CTXN1: variants seen among roughly 807,000 people sequenced by gnomAD.
CTXN1 encodes cortexin-1.
A neutral mutation model predicts 5.5 loss-of-function variants in CTXN1; 4 were observed. That is an observed-to-expected ratio of 0.73 (90% confidence interval 0.36 to 1.68). The LOEUF is 1.68. Ranked by LOEUF, CTXN1 falls within the 40% of genes most tolerant of loss-of-function variation. CTXN1 has a pLI of 0.05. For missense variants in CTXN1, 111 were observed against 123.0 expected (o/e 0.90, Z 0.46); for synonymous variants, 67 against 62.8 (o/e 1.07, Z -0.32).
In CTXN1 at chr19:7,925,060, G is replaced by GA. The variant is rs1983735834; in HGVS notation, c.*229dup. ...CCGGGCGGGTGAGATGCGCAGAGAG[G>GA]AAGGGACAGGGCGGATAAAGGCACG... On this transcript the variant is annotated 3_prime_UTR_variant, in exon 2 of 2. Transcript: ENST00000318978. The surrounding 1 kb of genome is among the most constrained non-coding windows in gnomAD (Gnocchi z 5.0). 2.8e-6 allele frequency: 1 copy of GA among 363,402 alleles called. No homozygotes were observed. Among genetic ancestry groups the GA allele is most frequent in the Non-Finnish European group, 4.9e-6 (1 of 204,228 alleles). 22.5% of individuals were successfully genotyped at this position (363,402 alleles called of 1,614,324 possible). A position where few individuals can be genotyped will look rare whatever the true frequency, so the allele number is the denominator to read the frequency against.
In CTXN1 at chr19:7,925,445, A is replaced by G; in HGVS notation, c.94T>C (p.Phe32Leu). 6.3e-7 allele frequency: 1 copy of G among 1,582,206 alleles called. No homozygotes were observed. Among genetic ancestry groups the G allele is most frequent in the Non-Finnish European group, 8.5e-7 (1 of 1,170,522 alleles). The change falls in exon 2 of 2, where the codon TTC becomes CTC. Residue 32 changes from phenylalanine (F) to leucine (L), a missense_variant. Phe to Leu is a conservative substitution (Grantham distance 22). Transcript: ENST00000318978. The surrounding 1 kb of genome is among the most constrained non-coding windows in gnomAD (Gnocchi z 5.0). ...AGLDAEQRTVFAFVLCLLVVL... is the reference protein window; with the variant it reads ...AGLDAEQRTVLAFVLCLLVVL... ...ACGAGCAGGCAGAGCACGAAGGCGA[A>G]CACCGTGCGCTGCTCCGCGTCCAGG...
chr19:7,925,830 A>C lies in CTXN1; in HGVS notation c.-21+137T>G. The C allele has an allele frequency of 4.0e-6, 1 of 247,474 alleles. No individual in the cohort carries two copies. Among genetic ancestry groups the C allele is most frequent in the Non-Finnish European group, 7.7e-6 (1 of 130,566 alleles). 15.3% of individuals were successfully genotyped at this position (247,474 alleles called of 1,614,324 possible). On this transcript the variant is annotated intron_variant, in intron 1 of 1. Transcript: ENST00000318978. This position sits in a 1 kb window ranked among gnomAD's most constrained non-coding sequence, Gnocchi z 5.0. ...GAGCCGCGCCCGGCCTGGGCCGCAC[A>C]CAACAGGTGCGAAAGCGCGGCCGCG...
Position 7,925,273 on chromosome 19 carries a change from AG to A in CTXN1, c.*16del, listed in dbSNP as rs1446778677. ...CTGAGACCCCGGCGCAGGGCCGGCT[AG>A]GGGGCGCCGCGCCCCTCACACCAAC... is the stretch of plus-strand genomic sequence containing the variant. On this transcript the variant is annotated 3_prime_UTR_variant, in exon 2 of 2. Transcript: ENST00000318978. The surrounding 1 kb of genome is among the most constrained non-coding windows in gnomAD (Gnocchi z 5.0). 3 of 1,300,812 alleles carry A rather than the reference AG, an allele frequency of 2.3e-6. No homozygotes were observed. Among genetic ancestry groups the A allele is most frequent in the African/African-American group, 1.6e-5 (1 of 63,392 alleles). The allele number at this position is 1,300,812 out of a possible 1,614,324, so 80.6% of individuals were successfully genotyped here. A position where few individuals can be genotyped will look rare whatever the true frequency, so the allele number is the denominator to read the frequency against.
rs769483227 is a variant in CTXN1 at position 7,925,243 on chromosome 19, G to A, written c.*47C>T. ...CCCCGCGGCGCCCCCCGCCGGGCCG[G>A]CCCTCTGAGACCCCGGCGCAGGGCC... On this transcript the variant is annotated 3_prime_UTR_variant, in exon 2 of 2. Coordinates refer to ENST00000318978, the MANE Select transcript of CTXN1 (RefSeq NM_206833.4). The surrounding 1 kb of genome is among the most constrained non-coding windows in gnomAD (Gnocchi z 5.0). 1.6e-6 allele frequency: 2 copies of A among 1,257,960 alleles called. No homozygotes were observed. Among genetic ancestry groups the A allele is most frequent in the South Asian group, 3.0e-5 (1 of 33,776 alleles). The allele number at this position is 1,257,960 out of a possible 1,614,324, so 77.9% of individuals were successfully genotyped here.
chr19:7,925,598 G>T lies in CTXN1; in HGVS notation c.-20-40C>A. On this transcript the variant is annotated intron_variant, in intron 1 of 1. Transcript: ENST00000318978. This position sits in a 1 kb window ranked among gnomAD's most constrained non-coding sequence, Gnocchi z 5.0. ...ACCCGCCCCGGGCGCCGGGGATGAGGCTGCGCCCTCCCTCCCGCGCCTCCT... is the reference window on the plus strand; with the variant it reads ...ACCCGCCCCGGGCGCCGGGGATGAGTCTGCGCCCTCCCTCCCGCGCCTCCT... 7.7e-7 allele frequency: 1 copy of T among 1,298,362 alleles called. No homozygotes were observed. Among genetic ancestry groups the T allele is most frequent in the Non-Finnish European group, 9.7e-7 (1 of 1,028,862 alleles). 80.4% of individuals were successfully genotyped at this position (1,298,362 alleles called of 1,614,324 possible). A position where few individuals can be genotyped will look rare whatever the true frequency, so the allele number is the denominator to read the frequency against.
In CTXN1 at chr19:7,926,036, G is replaced by A. The variant is rs1353548786; in HGVS notation, c.-90C>T. On this transcript the variant is annotated 5_prime_UTR_variant, in exon 1 of 2. Transcript: ENST00000318978. ...TCTCTCAGGGACCCGCGCCGGCTGC[G>A]CGTTCGGCCTCTCCCCGGCGGCGGC... 6.7e-6 allele frequency: 1 copy of A among 149,872 alleles called. No homozygotes were observed. The highest frequency in any genetic ancestry group is 1.5e-5 in the Non-Finnish European group (1 of 66,984). 9.3% of individuals were successfully genotyped at this position (149,872 alleles called of 1,614,324 possible). A position where few individuals can be genotyped will look rare whatever the true frequency, so the allele number is the denominator to read the frequency against.
Position 7,925,239 on chromosome 19 carries a change from G to A in CTXN1, c.*51C>T, listed in dbSNP as rs779740926. The A allele has an allele frequency of 4.0e-6, 5 of 1,255,490 alleles. No homozygotes were observed. Among genetic ancestry groups the A allele is most frequent in the Middle Eastern group, 2.9e-4 (1 of 3,406 alleles). The allele number at this position is 1,255,490 out of a possible 1,614,324, so 77.8% of individuals were successfully genotyped here. On this transcript the variant is annotated 3_prime_UTR_variant, in exon 2 of 2. Coordinates refer to ENST00000318978, the MANE Select transcript of CTXN1 (RefSeq NM_206833.4). This position sits in a 1 kb window ranked among gnomAD's most constrained non-coding sequence, Gnocchi z 5.0. The stretch of plus-strand genomic sequence containing the variant: ...CTGGCCCCGCGGCGCCCCCCGCCGG[G>A]CCGGCCCTCTGAGACCCCGGCGCAG...
chr19:7,925,640 TGCCGCC>T lies in CTXN1; in HGVS notation c.-20-88_-20-83del. On this transcript the variant is annotated intron_variant, in intron 1 of 1. Coordinates refer to ENST00000318978, the MANE Select transcript of CTXN1 (RefSeq NM_206833.4). The surrounding 1 kb of genome is among the most constrained non-coding windows in gnomAD (Gnocchi z 5.0). ...GCGCCTCCTCCGCTTCGCCCCCTCC[TGCCGCC>T]GCCGCCGCCGCCTCCCTTAACGTGC... is the stretch of plus-strand genomic sequence containing the variant. The T allele has an allele frequency of 8.6e-7, 1 of 1,163,786 alleles. No homozygotes were observed. Among genetic ancestry groups the T allele is most frequent in the Non-Finnish European group, 1.1e-6 (1 of 918,032 alleles). 72.1% of individuals were successfully genotyped at this position (1,163,786 alleles called of 1,614,324 possible). A position where few individuals can be genotyped will look rare whatever the true frequency, so the allele number is the denominator to read the frequency against.
rs1310926137 is a variant in CTXN1, at chr19:7,925,471, C to A, written c.68G>T (p.Gly23Val). The change falls in exon 2 of 2, where the codon GGC (glycine) becomes GTC (valine). Residue 23 changes from glycine to valine, a missense_variant. By Grantham distance (109) the Gly-to-Val change is moderately radical. Transcript: ENST00000318978. This position sits in a 1 kb window ranked among gnomAD's most constrained non-coding sequence, Gnocchi z 5.0. ...PPSTGPPVGAGLDAEQRTVFA... is the reference protein window; with the variant it reads ...PPSTGPPVGAVLDAEQRTVFA... ...CACCGTGCGCTGCTCCGCGTCCAGGCCCGCGCCCACCGGGGGCCCCGTCGA... is the reference window on the plus strand; with the variant it reads ...CACCGTGCGCTGCTCCGCGTCCAGGACCGCGCCCACCGGGGGCCCCGTCGA... The A allele has an allele frequency of 6.4e-7, 1 of 1,560,448 alleles. No individual in the cohort carries two copies. Among genetic ancestry groups the A allele is most frequent in the Non-Finnish European group, 8.6e-7 (1 of 1,160,892 alleles).
rs1242837291 is a variant in CTXN1, at chr19:7,925,785, G to T, written c.-21+182C>A. ...ACTCTGGCCGTGCGCGCAGGTGGGG[G>T]CGCTGAGAGCCGGGAAACGGAGCCG... is the stretch of plus-strand genomic sequence containing the variant. On this transcript the variant is annotated intron_variant, in intron 1 of 1. Transcript: ENST00000318978. This position sits in a 1 kb window ranked among gnomAD's most constrained non-coding sequence, Gnocchi z 5.0. 6.6e-6 allele frequency among the ~76,000 whole-genome samples: 1 copy of T among 151,490 alleles called. No individual in the cohort carries two copies.
Position 7,925,183 on chromosome 19 carries a change from G to C in CTXN1, c.*107C>G, listed in dbSNP as rs373388988. 4 of 882,034 alleles carry C rather than the reference G, an allele frequency of 4.5e-6. No individual in the cohort carries two copies. The highest frequency in any genetic ancestry group is 6.9e-5 in the East Asian group (2 of 29,128). 54.6% of individuals were successfully genotyped at this position (882,034 alleles called of 1,614,324 possible). Reference sequence around the variant, plus strand: ...CTCCCTCCCCCTCTCCCCCGGGCTGGGGGCTCCGGGGCGGGATCCTGAGCG... The same window carrying C: ...CTCCCTCCCCCTCTCCCCCGGGCTGCGGGCTCCGGGGCGGGATCCTGAGCG... On this transcript the variant is annotated 3_prime_UTR_variant, in exon 2 of 2. Transcript: ENST00000318978. This position sits in a 1 kb window ranked among gnomAD's most constrained non-coding sequence, Gnocchi z 5.0.
chr19:7,926,073 G>T lies in CTXN1; in HGVS notation c.-127C>A. On this transcript the variant is annotated 5_prime_UTR_variant, in exon 1 of 2. Transcript: ENST00000318978. ...TCCCCGGCGGCGGCGGCGGCGGCCC[G>T]GGCTCCGGCTCAGCCCACCCCACCC... 1 of 146,620 alleles carries T rather than the reference G, an allele frequency of 6.8e-6. No individual in the cohort carries two copies. Among genetic ancestry groups the T allele is most frequent in the South Asian group, 2.0e-4 (1 of 5,008 alleles). 9.1% of individuals were successfully genotyped at this position (146,620 alleles called of 1,614,324 possible).
rs1486876835 is a variant in CTXN1 at position 7,925,805 on chromosome 19, G to A, written c.-21+162C>T. Among the ~76,000 whole-genome samples, 1 of 151,342 alleles carries A rather than the reference G, an allele frequency of 6.6e-6. No individual in the cohort carries two copies. Among genetic ancestry groups the A allele is most frequent in the Non-Finnish European group, 1.5e-5 (1 of 67,732 alleles). On this transcript the variant is annotated intron_variant, in intron 1 of 1. Transcript: ENST00000318978. The surrounding 1 kb of genome is among the most constrained non-coding windows in gnomAD (Gnocchi z 5.0). Reference sequence around the variant, plus strand: ...TGGGGGCGCTGAGAGCCGGGAAACGGAGCCGCGCCCGGCCTGGGCCGCACA... The same window carrying A: ...TGGGGGCGCTGAGAGCCGGGAAACGAAGCCGCGCCCGGCCTGGGCCGCACA...
Position 7,924,938 on chromosome 19 carries a change from C to T in CTXN1, c.*352G>A. On this transcript the variant is annotated 3_prime_UTR_variant, in exon 2 of 2. Transcript: ENST00000318978. ...GGAGGGACAAGGGGGTCCCCACTTC[C>T]AGGGACGCACAATAGCAGAGCCACT... 1 of 183,368 alleles carries T rather than the reference C, an allele frequency of 5.5e-6. No individual in the cohort carries two copies. Among genetic ancestry groups the T allele is most frequent in the Admixed American group, 6.2e-5 (1 of 16,050 alleles). 11.4% of individuals were successfully genotyped at this position (183,368 alleles called of 1,614,324 possible).
In CTXN1 at chr19:7,926,116, G is replaced by A. The variant is rs1416266218; in HGVS notation, c.-170C>T. On this transcript the variant is annotated 5_prime_UTR_variant, in exon 1 of 2. Transcript: ENST00000318978. ...CCCCACCCGCCCCTGGAGCGGCGGA[G>A]ACCGAGGCAGGCAAGCAGCGCGCGA... 1 of 148,514 alleles carries A rather than the reference G, an allele frequency of 6.7e-6. No individual in the cohort carries two copies. The highest frequency in any genetic ancestry group is 2.4e-5 in the African/African-American group (1 of 40,982). 9.2% of individuals were successfully genotyped at this position (148,514 alleles called of 1,614,324 possible). A position where few individuals can be genotyped will look rare whatever the true frequency, so the allele number is the denominator to read the frequency against.
rs894098058 is a variant in CTXN1, at chr19:7,925,561, G to A, written c.-20-3C>T. ...CATGGCTCACATCGCCGCGCGCCCT[G>A]CGGAGGAGGGGACCCGCCCCGGGCG... On this transcript the variant is annotated splice_polypyrimidine_tract_variant and splice_region_variant and intron_variant, in intron 1 of 1. Transcript: ENST00000318978. This position sits in a 1 kb window ranked among gnomAD's most constrained non-coding sequence, Gnocchi z 5.0. 12 of 1,355,660 alleles carry A rather than the reference G, an allele frequency of 8.9e-6. No individual in the cohort carries two copies. The highest frequency in any genetic ancestry group is 1.0e-5 in the Non-Finnish European group (11 of 1,059,660). The allele number at this position is 1,355,660 out of a possible 1,614,324, so 84.0% of individuals were successfully genotyped here.
Position 7,925,320 on chromosome 19 carries a change from C to G in CTXN1, c.219G>C (p.Glu73Asp). 1 of 1,512,412 alleles carries G rather than the reference C, an allele frequency of 6.6e-7. No homozygotes were observed. Among genetic ancestry groups the G allele is most frequent in the Non-Finnish European group, 8.8e-7 (1 of 1,132,324 alleles). 93.7% of individuals were successfully genotyped at this position (1,512,412 alleles called of 1,614,324 possible). ...CCAACGCGTAGTCGAACTGCCCGCG[C>G]TCGAGCGCCTCCTTGTGGTCGGTCC... The part of the protein sequence containing the change: ...SSWTDHKEAL[E>D]RGQFDYALV Residue 73 changes from glutamate to aspartate, a missense_variant, in exon 2 of 2, where the codon GAG becomes GAC. Coordinates refer to ENST00000318978, the MANE Select transcript of CTXN1 (RefSeq NM_206833.4). The surrounding 1 kb of genome is among the most constrained non-coding windows in gnomAD (Gnocchi z 5.0).
rs944627463 is a variant in CTXN1, at chr19:7,925,574, C to G, written c.-20-16G>C. ...GCCGCGCGCCCTGCGGAGGAGGGGA[C>G]CCGCCCCGGGCGCCGGGGATGAGGC... On this transcript the variant is annotated splice_polypyrimidine_tract_variant and intron_variant, in intron 1 of 1. Transcript: ENST00000318978. The surrounding 1 kb of genome is among the most constrained non-coding windows in gnomAD (Gnocchi z 5.0). 1 of 1,326,448 alleles carries G rather than the reference C, an allele frequency of 7.5e-7. No individual in the cohort carries two copies. The highest frequency in any genetic ancestry group is 1.5e-5 in the African/African-American group (1 of 64,750). The allele number at this position is 1,326,448 out of a possible 1,614,324, so 82.2% of individuals were successfully genotyped here. A position where few individuals can be genotyped will look rare whatever the true frequency, so the allele number is the denominator to read the frequency against.
Position 7,925,226 on chromosome 19 carries a change from C to T in CTXN1, c.*64G>A. ...CCTGAGCGCAGTCCTGGCCCCGCGG[C>T]GCCCCCCGCCGGGCCGGCCCTCTGA... On this transcript the variant is annotated 3_prime_UTR_variant, in exon 2 of 2. Transcript: ENST00000318978. The surrounding 1 kb of genome is among the most constrained non-coding windows in gnomAD (Gnocchi z 5.0). 1.7e-6 allele frequency: 2 copies of T among 1,184,962 alleles called. No homozygotes were observed. The highest frequency in any genetic ancestry group is 3.6e-5 in the East Asian group (1 of 27,730). The allele number at this position is 1,184,962 out of a possible 1,614,324, so 73.4% of individuals were successfully genotyped here. A position where few individuals can be genotyped will look rare whatever the true frequency, so the allele number is the denominator to read the frequency against.
Sources: allele counts gnomAD v4.1 joint callset (sites outside exome capture counted in the v4.1 genomes callset), GRCh38; gene constraint gnomAD v4.1.1; non-coding constraint Gnocchi (gnomAD v3.1); transcripts MANE v1.5; gene names NCBI Gene and HGNC (gene_info 2026-07-23, HGNC 2026-07-21).